GRHL2: variants seen among roughly 807,000 people sequenced by gnomAD.
GRHL2 encodes the protein grainyhead like transcription factor 2.
GRHL2 carries 21 observed loss-of-function variants against 83.8 expected under a neutral mutation model. That is an observed-to-expected ratio of 0.25 (90% CI 0.18 to 0.36). The LOEUF (loss-of-function observed/expected upper bound fraction) is 0.36, where lower values mean the gene tolerates loss of function less well. GRHL2 is among the 10% of genes least tolerant of loss of function. GRHL2 has a pLI of 1.00. For missense variants in GRHL2, 623 were observed against 781.8 expected (o/e 0.80, Z 2.42); for synonymous variants, 280 against 278.9 (o/e 1.00, Z -0.04).
At chr8:101,586,715 G>A (rs750452620) in intron 7 of GRHL2, among the ~76,000 whole-genome samples, 5 of 152,140 alleles carry the variant, frequency 3.3e-5, no homozygotes, top group Non-Finnish European at 5.9e-5. Context: ...ATGCTCAACC[G>A]ATGTTGCATA....
downstream of GRHL2, among the ~76,000 whole-genome samples, chr8:101,673,936 G>A (rs986753122): frequency 1.3e-5 from 2 of 152,108 alleles, no homozygotes; most frequent in African/African-American, 4.8e-5. Context: ...TGGAAACTGA[G>A]CAACCCGCTC....
intron 1 of GRHL2, chr8:101,492,993 T>A (rs1173054937): frequency 1.1e-5 from 7 of 632,042 alleles, no homozygotes; most frequent in Admixed American, 2.6e-5. Flanking sequence ...GAATATTTAA[T>A]ATCCCCTTTG....
chr8:101,567,254 A>C (rs1236247389), intron 4 of GRHL2, among the ~76,000 whole-genome samples: 2 of 152,222 alleles, frequency 1.3e-5, no homozygotes, highest in East Asian at 3.8e-4. Context: ...TACCTTCTTT[A>C]CTATCATTTT....
chr8:101,508,742 A>G lies in GRHL2; in HGVS notation c.20+15953A>G, dbSNP rs545347104. On this transcript the variant is annotated intron_variant, in intron 1 of 15. Coordinates refer to ENST00000646743, the MANE Select transcript of GRHL2 (RefSeq NM_024915.4). ...GAATACATCCAAACGACAACAAATG[A>G]GTGGCCACCACATAAGCCTATTTGA... is the stretch of plus-strand genomic sequence containing the variant. 2.0e-5 allele frequency among the ~76,000 whole-genome samples: 3 copies of G among 152,270 alleles called. No homozygotes were observed. The South Asian group carries it at 6.2e-4, about 32-fold the overall frequency.
At chr8:101,598,219 C>T (rs533258672) in intron 7 of GRHL2, among the ~76,000 whole-genome samples, 1 of 150,220 alleles carries the variant, frequency 6.7e-6, no homozygotes, top group African/African-American at 2.4e-5. Context: ...TAACTCAACT[C>T]TCCATACCTA....
At chr8:101,526,525 CTTTTTTTTTTTTTT>C (rs33928032) in intron 1 of GRHL2, among the ~76,000 whole-genome samples, 2 of 109,638 alleles carry the variant, frequency 1.8e-5, no homozygotes, top group Non-Finnish European at 3.5e-5. Flanking sequence ...TCTTTTTTTC[CTTTTTTTTTTTTTT>C]TTTTTTTGCT....
the GRHL2 span, among the ~76,000 whole-genome samples, chr8:101,676,442 C>CA: frequency 6.6e-6 from 1 of 151,924 alleles, no homozygotes; most frequent in East Asian, 1.9e-4. Flanking sequence ...TTTATGCAGC[C>CA]AAAAAACACA....
chr8:101,601,841 T>C (rs1812521039), intron 8 of GRHL2, among the ~76,000 whole-genome samples: 1 of 152,210 alleles, frequency 6.6e-6, no homozygotes, highest in African/African-American at 2.4e-5. Flanking sequence ...GTGCAGAACG[T>C]GTAGGTTTGT....
At chr8:101,636,792 C>T in intron 11 of GRHL2, 105 bp from the exon 12 acceptor site, 2 of 839,314 alleles carry the variant, frequency 2.4e-6, no homozygotes, top group East Asian at 2.8e-5. Context: ...TAGTCTTTTG[C>T]CTTTTTAAGA....
chr8:101,675,314 C>A, the GRHL2 span, among the ~76,000 whole-genome samples: 3 of 152,038 alleles, frequency 2.0e-5, no homozygotes, highest in Non-Finnish European at 4.4e-5. Context: ...AAAACCCCAT[C>A]GTCTCAGCTC....
intron 1 of GRHL2, among the ~76,000 whole-genome samples, chr8:101,520,339 A>G (rs595530): frequency 0.97 from 148,479 of 152,290 alleles, 72,466 homozygotes; most frequent in Non-Finnish European, 1. Flanking sequence ...AATTTAAGAC[A>G]GTTATCTGAA....
chr8:101,671,233 C>T (rs1048660384), downstream of GRHL2, among the ~76,000 whole-genome samples: 3 of 152,186 alleles, frequency 2.0e-5, no homozygotes, highest in South Asian at 2.1e-4. Flanking sequence ...TTGCCTCACT[C>T]GGGAAGCGCA....
chr8:101,659,402 C>T (rs369514971), intron 14 of GRHL2, among the ~76,000 whole-genome samples: 5 of 152,270 alleles, frequency 3.3e-5, no homozygotes, highest in Admixed American at 2.6e-4. Flanking sequence ...TCTGTAGACC[C>T]CCAGGTTAAG....
rs371797218 is a variant in GRHL2 at position 101,500,670 on chromosome 8, G to A, written c.20+7881G>A. On this transcript the variant is annotated intron_variant, in intron 1 of 15. Coordinates refer to ENST00000646743, the MANE Select transcript of GRHL2 (RefSeq NM_024915.4). ...ACTATAGGTGTGCGCCACTATGCCCGGCTAATTTTTTGGTATTTTTAGTAG... is the reference window on the plus strand; with the variant it reads ...ACTATAGGTGTGCGCCACTATGCCCAGCTAATTTTTTGGTATTTTTAGTAG... Among the ~76,000 whole-genome samples the A allele has an allele frequency of 7.0e-4, 106 of 152,116 alleles. 2 individuals carry two copies. Among genetic ancestry groups the A allele is most frequent in the African/African-American group, 2.5e-3 (103 of 41,506 alleles).
At position 101,532,755 on chromosome 8, in the gene GRHL2, C is replaced by CAAA. The variant is rs1187121429; in HGVS notation, c.21-10474_21-10472dup. Among the ~76,000 whole-genome samples the CAAA allele has an allele frequency of 4.4e-5, 4 of 90,494 alleles. No homozygotes were observed. The East Asian group carries it at 1.0e-3, about 23-fold the overall frequency. 59.4% of individuals were successfully genotyped at this position (90,494 alleles called of 152,430 possible). On this transcript the variant is annotated intron_variant, in intron 1 of 15. Coordinates refer to ENST00000646743, the MANE Select transcript of GRHL2 (RefSeq NM_024915.4). ...GGGGACAGAGCGAGACTCCATCTCA[C>CAAA]AAAAAAAAAAAAAAGAGAGAGTAGA...
chr8:101,560,670 G>A (rs543653723), intron 4 of GRHL2, among the ~76,000 whole-genome samples: 205 of 152,246 alleles, frequency 1.3e-3, no homozygotes, highest in Non-Finnish European at 2.1e-3. Flanking sequence ...CCAAAATTTG[G>A]TAACTTTTAA....
At chr8:101,523,561 A>T (rs150447802) in intron 1 of GRHL2, among the ~76,000 whole-genome samples, 389 of 151,576 alleles carry the variant, frequency 2.6e-3, no homozygotes, top group African/African-American at 9.0e-3. Flanking sequence ...CTGCAACCTC[A>T]ATCTCCAGGC....
intron 12 of GRHL2, among the ~76,000 whole-genome samples, chr8:101,637,756 T>G (rs1813318754): frequency 6.6e-6 from 1 of 152,202 alleles, no homozygotes; most frequent in Admixed American, 6.5e-5. Context: ...TTCCAGCTCG[T>G]AGGGAGTTCT....
chr8:101,667,298 C>T lies in GRHL2; in HGVS notation c.*595C>T, dbSNP rs574030529. Reference sequence around the variant, plus strand: ...CTTGTACAGGAAGACATTCAGTCACCGTGTAATTAGTAACACAGAAAGTCT... The same window carrying T: ...CTTGTACAGGAAGACATTCAGTCACTGTGTAATTAGTAACACAGAAAGTCT... On this transcript the variant is annotated 3_prime_UTR_variant, in exon 16 of 16. Coordinates refer to ENST00000646743, the MANE Select transcript of GRHL2 (RefSeq NM_024915.4). 4.6e-5 allele frequency: 8 copies of T among 173,142 alleles called. No individual in the cohort carries two copies. The highest frequency in any genetic ancestry group is 1.1e-4 in the Admixed American group (2 of 18,426). The allele number at this position is 173,142 out of a possible 1,614,324, so 10.7% of individuals were successfully genotyped here. A position where few individuals can be genotyped will look rare whatever the true frequency, so the allele number is the denominator to read the frequency against.
Sources: allele counts gnomAD v4.1 joint callset (sites outside exome capture counted in the v4.1 genomes callset), GRCh38; gene constraint gnomAD v4.1.1; transcripts MANE v1.5; gene names NCBI Gene and HGNC (gene_info 2026-07-23, HGNC 2026-07-21).